The following CMTM4 variants were observed in gnomAD, a reference collection of about 807,000 sequenced individuals.
The protein encoded by CMTM4 is CKLF like MARVEL transmembrane domain containing 4.
CMTM4 carries 8 observed loss-of-function variants against 19.0 expected under a neutral mutation model. The observed-to-expected ratio is 0.42, with a 90% confidence interval of 0.25 to 0.76. The LOEUF is 0.76. Ranked by LOEUF, CMTM4 falls within the 30% of genes least tolerant of loss-of-function variation. The pLI, the probability that CMTM4 is intolerant of heterozygous loss-of-function variation, is 0.27. For missense variants in CMTM4, 228 were observed against 290.2 expected (o/e 0.79, Z 1.56); for synonymous variants, 106 against 121.1 (o/e 0.88, Z 0.82).
chr16:66,607,834 G>GT, the CMTM4 span, among the ~76,000 whole-genome samples: 1 of 150,832 alleles, frequency 6.6e-6, no homozygotes, highest in South Asian at 2.1e-4. Flanking sequence ...GGCCATGCTG[G>GT]GTTTTTTTTT....
At chr16:66,678,285 T>C (rs912850327) in intron 1 of CMTM4, among the ~76,000 whole-genome samples, 13 of 152,024 alleles carry the variant, frequency 8.6e-5, no homozygotes, top group African/African-American at 3.1e-4. Flanking sequence ...AACCCGGAGA[T>C]GCAGGGCTCC....
At chr16:66,604,577 G>T in the CMTM4 span, 1 of 335,750 alleles carries the variant, frequency 3.0e-6, no homozygotes, top group Admixed American at 4.9e-5. Context: ...GGAGGCCCCA[G>T]GCCGGGGAGG....
At chr16:66,602,743 C>T in the CMTM4 span, among the ~76,000 whole-genome samples, 71 of 152,164 alleles carry the variant, frequency 4.7e-4, no homozygotes, top group African/African-American at 1.7e-3. Context: ...GATGGGTTTT[C>T]GCCATGTTGG....
chr16:66,628,327 C>T (rs529809616), intron 2 of CMTM4, among the ~76,000 whole-genome samples: 5 of 152,304 alleles, frequency 3.3e-5, no homozygotes, highest in South Asian at 2.1e-4. Context: ...GGCTGGGGGA[C>T]GGTCAGGTCT....
chr16:66,619,296 A>G lies in CMTM4; in HGVS notation c.*2762T>C, dbSNP rs1280895874. On this transcript the variant is annotated 3_prime_UTR_variant, in exon 4 of 4. Transcript: ENST00000394106. ...TCTGAGGACATCAGTGTTTGCATCC[A>G]TCTAAAACCACCAGAGGTTCCACCA... 15 of 985,360 alleles carry G rather than the reference A, an allele frequency of 1.5e-5. No homozygotes were observed. Among genetic ancestry groups the G allele is most frequent in the African/African-American group, 1.7e-5 (1 of 57,256 alleles). 61.0% of individuals were successfully genotyped at this position (985,360 alleles called of 1,614,324 possible).
At chr16:66,649,140 C>T (rs1215108897) in intron 1 of CMTM4, among the ~76,000 whole-genome samples, 1 of 152,162 alleles carries the variant, frequency 6.6e-6, no homozygotes, top group Non-Finnish European at 1.5e-5. Context: ...GAGTTTGAGG[C>T]TGCCTACCGT....
At position 66,634,447 on chromosome 16, in the gene CMTM4, C is replaced by CA. The variant is rs11318916; in HGVS notation, c.363+1957dup. On this transcript the variant is annotated intron_variant, in intron 2 of 3. Transcript: ENST00000394106. ...AGAGCAAGACTCTGTCTCAAAAAAA[C>CA]AAAAAAAAAAACCCAAAAACAACAA... 8.4e-3 allele frequency among the ~76,000 whole-genome samples: 1,197 copies of CA among 141,684 alleles called. 8 individuals are homozygous for CA. The highest frequency in any genetic ancestry group is 0.013 in the Admixed American group (183 of 14,190). 93.0% of individuals were successfully genotyped at this position (141,684 alleles called of 152,430 possible). A position where few individuals can be genotyped will look rare whatever the true frequency, so the allele number is the denominator to read the frequency against.
At chr16:66,630,685 C>A (rs1294691070) in intron 2 of CMTM4, among the ~76,000 whole-genome samples, 1 of 152,110 alleles carries the variant, frequency 6.6e-6, no homozygotes, top group Non-Finnish European at 1.5e-5. Flanking sequence ...TCTCGGCTCG[C>A]TACAACCTCC....
At chr16:66,689,946 T>G (rs536120015) in intron 1 of CMTM4, among the ~76,000 whole-genome samples, 1 of 152,318 alleles carries the variant, frequency 6.6e-6, no homozygotes, top group South Asian at 2.1e-4. Flanking sequence ...GTAAAACACA[T>G]GTACGCTCTA....
In CMTM4 at chr16:66,687,774, G is replaced by A. The variant is rs575115819; in HGVS notation, c.186+8566C>T. ...GCAATCTTGGCTCACTGCAAGCTCC[G>A]CCTCCTGGGTTCACGCTATTCTCCT... On this transcript the variant is annotated intron_variant, in intron 1 of 3. Coordinates refer to ENST00000394106, the MANE Select transcript of CMTM4 (RefSeq NM_181521.3). 4.9e-5 allele frequency among the ~76,000 whole-genome samples: 7 copies of A among 142,748 alleles called. No individual in the cohort carries two copies. The South Asian group carries it at 1.1e-3, about 22-fold the overall frequency. 93.6% of individuals were successfully genotyped at this position (142,748 alleles called of 152,430 possible). A position where few individuals can be genotyped will look rare whatever the true frequency, so the allele number is the denominator to read the frequency against.
At chr16:66,602,167 C>T in the CMTM4 span, among the ~76,000 whole-genome samples, 4 of 152,194 alleles carry the variant, frequency 2.6e-5, no homozygotes, top group African/African-American at 4.8e-5. Flanking sequence ...GAGGCCGAGG[C>T]GGGAAGATTG....
At chr16:66,644,469 G>A (rs1302434385) in intron 1 of CMTM4, among the ~76,000 whole-genome samples, 1 of 152,194 alleles carries the variant, frequency 6.6e-6, no homozygotes, top group Non-Finnish European at 1.5e-5. Context: ...GAAAGAAAAT[G>A]CTTTTTAAAT....
chr16:66,658,963 C>T (rs890522302), intron 1 of CMTM4, among the ~76,000 whole-genome samples: 3 of 152,144 alleles, frequency 2.0e-5, no homozygotes, highest in Non-Finnish European at 4.4e-5. Context: ...GTGTGGATGC[C>T]GTAGGATGAA....
intron 1 of CMTM4, among the ~76,000 whole-genome samples, chr16:66,638,356 G>C (rs2016036077): frequency 6.6e-6 from 1 of 152,228 alleles, no homozygotes; most frequent in Non-Finnish European, 1.5e-5. Flanking sequence ...GCGAATGGAA[G>C]AGTGGTTCTG....
the CMTM4 span, among the ~76,000 whole-genome samples, chr16:66,601,283 C>G: frequency 6.6e-6 from 1 of 152,114 alleles, no homozygotes; most frequent in Admixed American, 6.5e-5. Flanking sequence ...GGAGGGAGAA[C>G]AAGTCAACAA....
At chr16:66,650,742 G>A (rs2016294692) in intron 1 of CMTM4, among the ~76,000 whole-genome samples, 1 of 152,182 alleles carries the variant, frequency 6.6e-6, no homozygotes, top group African/African-American at 2.4e-5. Context: ...ATGTCTGGAG[G>A]TAAACTAGTT....
intron 1 of CMTM4, among the ~76,000 whole-genome samples, chr16:66,644,600 TC>T: frequency 1.3e-5 from 2 of 152,348 alleles, no homozygotes; most frequent in Admixed American, 1.3e-4. Context: ...TCTTTCTTTT[TC>T]CAAAATCATG....
chr16:66,623,250 A>G (rs1325848582), intron 3 of CMTM4, among the ~76,000 whole-genome samples, 154 bp downstream of exon 3: 1 of 152,194 alleles, frequency 6.6e-6, no homozygotes, highest in African/African-American at 2.4e-5. Context: ...TGAGAACCAC[A>G]GCACTGAAGG....
intron 2 of CMTM4, among the ~76,000 whole-genome samples, chr16:66,624,364 A>G (rs1457330243): frequency 2.0e-5 from 3 of 152,236 alleles, no homozygotes; most frequent in African/African-American, 7.2e-5. Flanking sequence ...TCTATAGGAA[A>G]AAAATTCAGG....
Sources: allele counts gnomAD v4.1 joint callset (sites outside exome capture counted in the v4.1 genomes callset), GRCh38; gene constraint gnomAD v4.1.1; transcripts MANE v1.5; gene names NCBI Gene and HGNC (gene_info 2026-07-23, HGNC 2026-07-21).